Variants in KDM2B observed in about 807,000 individuals in gnomAD.
The protein encoded by KDM2B is lysine demethylase 2B.
Under a neutral mutation model 150.0 loss-of-function variants are expected in KDM2B, and 26 were observed. The observed-to-expected ratio is 0.17, with a 90% confidence interval of 0.13 to 0.24. The LOEUF is 0.24. Among genes scored for constraint, KDM2B ranks in the 10% least tolerant of loss-of-function variants. The pLI, the probability that KDM2B is intolerant of heterozygous loss-of-function variation, is 1.00. For missense variants in KDM2B, 1,265 were observed against 1,816.9 expected (o/e 0.70, Z 5.52); for synonymous variants, 734 against 729.5 (o/e 1.01, Z -0.10).
Position 121,467,251 on chromosome 12 carries a change from T to C in KDM2B, c.1735-13907A>G. 1.0e-6 allele frequency: 1 copy of C among 987,468 alleles called. No homozygotes were observed. The allele number at this position is 987,468 out of a possible 1,614,324, so 61.2% of individuals were successfully genotyped here. On this transcript the variant is annotated intron_variant, in intron 12 of 22. Coordinates refer to ENST00000377071, the MANE Select transcript of KDM2B (RefSeq NM_032590.5). The surrounding 1 kb of genome is among the most constrained non-coding windows in gnomAD (Gnocchi z 5.1). ...CCAGGCTCGCGCGCGCTGACATGGC[T>C]GGAGCGGCGCCGCCGCCGCCGCCCG...
At chr12:121,561,382 G>A (rs1203623700) in intron 4 of KDM2B, among the ~76,000 whole-genome samples, 1 of 152,114 alleles carries the variant, frequency 6.6e-6, no homozygotes, top group Admixed American at 6.6e-5. Flanking sequence ...GTGTCACACA[G>A]GTAGCACTGA....
At chr12:121,538,468 T>C (rs1888345251) in intron 6 of KDM2B, among the ~76,000 whole-genome samples, 1 of 152,068 alleles carries the variant, frequency 6.6e-6, no homozygotes, top group African/African-American at 2.4e-5. Context: ...TCACTTCCCC[T>C]CTCTGAACAG....
In KDM2B at chr12:121,475,182, C is replaced by CTGTGTGTGTGTG. The variant is rs60083867; in HGVS notation, c.1734+19385_1734+19396dup. Among the ~76,000 whole-genome samples the CTGTGTGTGTGTG allele has an allele frequency of 7.4e-4, 104 of 139,762 alleles. No individual in the cohort carries two copies. The South Asian group carries it at 8.4e-3, about 11-fold the overall frequency. 91.7% of individuals were successfully genotyped at this position (139,762 alleles called of 152,430 possible). A position where few individuals can be genotyped will look rare whatever the true frequency, so the allele number is the denominator to read the frequency against. On this transcript the variant is annotated intron_variant, in intron 12 of 22. Transcript: ENST00000377071. ...CCCTGTCATTAAACTACACATGACT[C>CTGTGTGTGTGTG]TGTGTGTGTGTGTGTGTGTGTGTGT...
chr12:121,446,923 T>C (rs1463461510), intron 13 of KDM2B, among the ~76,000 whole-genome samples: 1 of 152,220 alleles, frequency 6.6e-6, no homozygotes, highest in Non-Finnish European at 1.5e-5. Context: ...ATTTTCCAGA[T>C]GACCAATACA....
chr12:121,456,921 A>C (rs972310575), intron 12 of KDM2B, among the ~76,000 whole-genome samples: 1 of 152,326 alleles, frequency 6.6e-6, no homozygotes, highest in Middle Eastern at 3.4e-3. Context: ...GCCGCTGCCA[A>C]ATCAGGCCAG....
At chr12:121,514,423 C>A (rs1456193149) in intron 9 of KDM2B, among the ~76,000 whole-genome samples, 1 of 151,792 alleles carries the variant, frequency 6.6e-6, no homozygotes, top group Non-Finnish European at 1.5e-5. Flanking sequence ...CCACGGGGGG[C>A]AGTTCAGGGT....
intron 12 of KDM2B, chr12:121,493,747 T>C (rs532378500): frequency 2.0e-5 from 3 of 152,362 alleles, no homozygotes; most frequent in East Asian, 3.9e-4. Flanking sequence ...AGATAAGGGC[T>C]GTGGAGGTCC....
chr12:121,554,322 G>C (rs1889741279), intron 4 of KDM2B, among the ~76,000 whole-genome samples: 1 of 151,956 alleles, frequency 6.6e-6, no homozygotes, highest in African/African-American at 2.4e-5. Flanking sequence ...AAAATGGAGA[G>C]TCTCAGAGAT....
rs1285219338 is a variant in KDM2B, at chr12:121,442,794, T to C, written c.2647A>G (p.Asn883Asp). The change falls in exon 19 of 23, where the codon AAC (asparagine) becomes GAC (aspartate). Residue 883 changes from asparagine (N) to aspartate (D), a missense_variant. Asn to Asp is a conservative substitution (Grantham distance 23). Coordinates refer to ENST00000377071, the MANE Select transcript of KDM2B (RefSeq NM_032590.5). The surrounding 1 kb of genome is among the most constrained non-coding windows in gnomAD (Gnocchi z 7.7). ...KNAEDRMALANKPLRRFKQEP... is the reference protein window; with the variant it reads ...KNAEDRMALADKPLRRFKQEP... The stretch of plus-strand genomic sequence containing the variant: ...TGCTTGAAGCGCCGGAGGGGCTTGT[T>C]GGCCAGCGCCATGCGGTCCTCGGCG... The C allele has an allele frequency of 2.0e-6, 3 of 1,537,338 alleles. No homozygotes were observed. The highest frequency in any genetic ancestry group is 2.6e-6 in the Non-Finnish European group (3 of 1,148,760).
At chr12:121,449,458 C>T (rs932579605) in intron 13 of KDM2B, among the ~76,000 whole-genome samples, 5 of 152,050 alleles carry the variant, frequency 3.3e-5, no homozygotes, top group Admixed American at 6.6e-5. Flanking sequence ...CCAGAAGCCA[C>T]GTCAAGCTGA....
chr12:121,507,754 T>C (rs1885220203), intron 11 of KDM2B, among the ~76,000 whole-genome samples: 1 of 152,172 alleles, frequency 6.6e-6, no homozygotes, highest in South Asian at 2.1e-4. Context: ...CTCATGCCTG[T>C]AATCCCAGCA....
intron 8 of KDM2B, among the ~76,000 whole-genome samples, chr12:121,530,953 G>C (rs781877171): frequency 2.6e-5 from 4 of 152,238 alleles, no homozygotes; most frequent in South Asian, 4.1e-4. Flanking sequence ...CCATTGTAGA[G>C]AGAGCTGAGG....
chr12:121,417,752 C>T, the KDM2B span: 2 of 1,614,128 alleles, frequency 1.2e-6, no homozygotes, highest in East Asian at 4.5e-5. This position sits in a 1 kb window ranked among gnomAD's most constrained non-coding sequence, Gnocchi z 5.0. Flanking sequence ...CTGAGGACGA[C>T]ATGGACACAA....
At position 121,446,565 on chromosome 12, in the gene KDM2B, C is replaced by T. The variant is rs1370147065; in HGVS notation, c.1960-1147G>A. ...TGACGCGTACCAAAGGAAAAGCACT[C>T]GTGACTGAGCTGGGAGGTGAAATGG... On this transcript the variant is annotated intron_variant, in intron 13 of 22. Coordinates refer to ENST00000377071, the MANE Select transcript of KDM2B (RefSeq NM_032590.5). 2.6e-5 allele frequency among the ~76,000 whole-genome samples: 4 copies of T among 152,214 alleles called. No homozygotes were observed. The East Asian group carries it at 7.7e-4, about 29-fold the overall frequency.
At chr12:121,512,620 G>A (rs1048192371) in intron 10 of KDM2B, among the ~76,000 whole-genome samples, 4 of 152,114 alleles carry the variant, frequency 2.6e-5, no homozygotes, top group African/African-American at 9.7e-5. Context: ...GAGGAATCAC[G>A]TTCTTCCTCT....
chr12:121,511,333 C>A, intron 10 of KDM2B, among the ~76,000 whole-genome samples: 1 of 139,964 alleles, frequency 7.1e-6, no homozygotes, highest in Admixed American at 7.5e-5. Context: ...GTTGGCCAGA[C>A]TGGAGTGCAA....
At chr12:121,566,345 G>C (rs1411635724) in intron 4 of KDM2B, among the ~76,000 whole-genome samples, 1 of 152,116 alleles carries the variant, frequency 6.6e-6, no homozygotes, top group Non-Finnish European at 1.5e-5. Context: ...AAATTGGCTG[G>C]GTGCAGTGGC....
chr12:121,501,752 C>G (rs1358550785), intron 11 of KDM2B, among the ~76,000 whole-genome samples: 1 of 152,138 alleles, frequency 6.6e-6, no homozygotes, highest in African/African-American at 2.4e-5. Context: ...TCCAGAGTAG[C>G]TGTGATTACA....
At chr12:121,484,256 G>A (rs782204745) in intron 12 of KDM2B, among the ~76,000 whole-genome samples, 2 of 152,184 alleles carry the variant, frequency 1.3e-5, no homozygotes, top group Non-Finnish European at 2.9e-5. Context: ...ACTGGAACGC[G>A]TCAGCTCAGG....
Sources: allele counts gnomAD v4.1 joint callset (sites outside exome capture counted in the v4.1 genomes callset), GRCh38; gene constraint gnomAD v4.1.1; non-coding constraint Gnocchi (gnomAD v3.1); transcripts MANE v1.5; gene names NCBI Gene and HGNC (gene_info 2026-07-23, HGNC 2026-07-21).